EIPR1: variants seen among roughly 807,000 people sequenced by gnomAD.
EIPR1 encodes the protein EARP complex and GARP complex interacting protein 1.
EIPR1 carries 25 observed loss-of-function variants against 48.1 expected under a neutral mutation model. The ratio of observed to expected loss-of-function variants is 0.52; its 90% CI spans 0.38 to 0.73. EIPR1 has a LOEUF of 0.73. Ranked by LOEUF, EIPR1 falls within the 30% of genes least tolerant of loss-of-function variation. The probability of loss-of-function intolerance (pLI) is 0.00; values close to 1 mark genes in which losing one functional copy is unlikely to be tolerated. For missense variants in EIPR1, 415 were observed against 506.2 expected (o/e 0.82, Z 1.73); for synonymous variants, 204 against 201.9 (o/e 1.01, Z -0.09).
intron 6 of EIPR1, among the ~76,000 whole-genome samples, chr2:3,196,028 G>T (rs1664789431): frequency 6.6e-6 from 1 of 152,232 alleles, no homozygotes; most frequent in Admixed American, 6.5e-5. Flanking sequence ...ACAGGACATG[G>T]AGAAATGGAT....
intron 2 of EIPR1, among the ~76,000 whole-genome samples, chr2:3,346,362 C>A (rs1318308312): frequency 6.6e-6 from 1 of 152,162 alleles, no homozygotes; most frequent in Non-Finnish European, 1.5e-5. Flanking sequence ...AGACAGAAAG[C>A]CAATGTTTGT....
intron 1 of EIPR1, among the ~76,000 whole-genome samples, chr2:3,359,985 C>T (rs1342943872): frequency 6.6e-6 from 1 of 152,280 alleles, no homozygotes; most frequent in South Asian, 2.1e-4. Context: ...ACGTTCAGCC[C>T]GGCTATGGCT....
At chr2:3,214,121 C>G (rs773003271) in intron 5 of EIPR1, 28 bp downstream of exon 5, 3 of 1,597,896 alleles carry the variant, frequency 1.9e-6, no homozygotes, top group Non-Finnish European at 2.6e-6. Flanking sequence ...AATACAGAAA[C>G]AAACGCTGTG....
chr2:3,283,716 G>A (rs1668086256), intron 3 of EIPR1, among the ~76,000 whole-genome samples: 1 of 152,222 alleles, frequency 6.6e-6, no homozygotes, highest in Non-Finnish European at 1.5e-5. Context: ...GGCCAAGGCA[G>A]GTGGATCATT....
chr2:3,296,210 T>TGCAA (rs1668585697), intron 3 of EIPR1, among the ~76,000 whole-genome samples: 2 of 97,358 alleles, frequency 2.1e-5, no homozygotes, highest in African/African-American at 8.3e-5. Flanking sequence ...CCATCCTCTC[T>TGCAA]ACACAGACAC....
At chr2:3,215,121 A>G (rs1476414120) in intron 4 of EIPR1, among the ~76,000 whole-genome samples, 1 of 152,230 alleles carries the variant, frequency 6.6e-6, no homozygotes, top group Non-Finnish European at 1.5e-5. Flanking sequence ...TTTTTATGGC[A>G]GCCCAAGCTA....
At chr2:3,297,370 C>T (rs989232895) in intron 3 of EIPR1, among the ~76,000 whole-genome samples, 1 of 152,234 alleles carries the variant, frequency 6.6e-6, no homozygotes, top group Admixed American at 6.5e-5. Flanking sequence ...CATCTTACAC[C>T]GCTGGTGAGG....
chr2:3,337,151 A>G (rs973362866), intron 3 of EIPR1, among the ~76,000 whole-genome samples: 3 of 151,824 alleles, frequency 2.0e-5, no homozygotes, highest in Non-Finnish European at 2.9e-5. Flanking sequence ...AAGGGAAGGG[A>G]AAAGGGAAGG....
At chr2:3,299,868 C>T (rs1370785864) in intron 3 of EIPR1, among the ~76,000 whole-genome samples, 1 of 152,184 alleles carries the variant, frequency 6.6e-6, no homozygotes, top group Non-Finnish European at 1.5e-5. Context: ...CTCGGCACCA[C>T]CACTCACAGT....
chr2:3,250,755 G>A (rs371206122), intron 4 of EIPR1, among the ~76,000 whole-genome samples: 35 of 152,088 alleles, frequency 2.3e-4, no homozygotes, highest in East Asian at 5.8e-4. Context: ...GAGTCTTCTC[G>A]CTCAGTTAGT....
chr2:3,340,787 C>T (rs1318513239), intron 2 of EIPR1, among the ~76,000 whole-genome samples: 1 of 152,076 alleles, frequency 6.6e-6, no homozygotes, highest in South Asian at 2.1e-4. Context: ...GCAAACAGCT[C>T]AGATGTCCAT....
At chr2:3,226,565 T>A (rs185784946) in intron 4 of EIPR1, among the ~76,000 whole-genome samples, 22 of 152,370 alleles carry the variant, frequency 1.4e-4, no homozygotes, top group East Asian at 9.6e-4. Context: ...GTACGCTGCC[T>A]TTTCATTTTG....
chr2:3,192,356 G>A, intron 8 of EIPR1, 58 bp downstream of exon 8: 1 of 1,502,404 alleles, frequency 6.7e-7, no homozygotes, highest in South Asian at 1.4e-5. Flanking sequence ...TCGGGAGATG[G>A]CTGTGCAGAC....
rs1664708808 is a variant in EIPR1 at position 3,194,088 on chromosome 2, C to T, written c.732G>A (p.Leu244=). The change falls in exon 7 of 9, where the codon TTG becomes TTA. Residue 244 remains leucine (L), a synonymous_variant. Transcript: ENST00000382125. Reference sequence around the variant, plus strand: ...CCTTACAGTCGTCTCCGCAGCTGGCCAAGTAGTACTGCTTATTGGGATTAA... The same window carrying T: ...CCTTACAGTCGTCTCCGCAGCTGGCTAAGTAGTACTGCTTATTGGGATTAA... ...LDFNPNKQYY[L]ASCGDDCKVK... 1 of 1,613,960 alleles carries T rather than the reference C, an allele frequency of 6.2e-7. No individual in the cohort carries two copies. Among genetic ancestry groups the T allele is most frequent in the South Asian group, 1.1e-5 (1 of 91,078 alleles).
At chr2:3,261,372 C>G (rs1667330168) in intron 3 of EIPR1, among the ~76,000 whole-genome samples, 1 of 152,100 alleles carries the variant, frequency 6.6e-6, no homozygotes, top group Non-Finnish European at 1.5e-5. Context: ...GGAAGTCACC[C>G]CACTCACAGT....
chr2:3,278,884 C>T (rs1048999346), intron 3 of EIPR1, among the ~76,000 whole-genome samples: 2 of 152,204 alleles, frequency 1.3e-5, no homozygotes, highest in African/African-American at 2.4e-5. Context: ...TCCCGCCAGC[C>T]CATTAGCCTC....
At chr2:3,280,416 C>T (rs1667980223) in intron 3 of EIPR1, among the ~76,000 whole-genome samples, 1 of 152,236 alleles carries the variant, frequency 6.6e-6, no homozygotes, top group African/African-American at 2.4e-5. Context: ...ACACGAGCCA[C>T]ACCCTGGCAT....
At chr2:3,345,078 A>G (rs940326762) in intron 2 of EIPR1, among the ~76,000 whole-genome samples, 1 of 152,148 alleles carries the variant, frequency 6.6e-6, no homozygotes, top group African/African-American at 2.4e-5. Context: ...GTGCCCCAGA[A>G]GCACGTTGCT....
intron 4 of EIPR1, among the ~76,000 whole-genome samples, chr2:3,245,627 C>A (rs1250404807): frequency 6.6e-6 from 1 of 152,226 alleles, no homozygotes; most frequent in Non-Finnish European, 1.5e-5. Context: ...TGTTAGGCAT[C>A]ATTCTGAGCT....
Sources: allele counts gnomAD v4.1 joint callset (sites outside exome capture counted in the v4.1 genomes callset), GRCh38; gene constraint gnomAD v4.1.1; transcripts MANE v1.5; gene names NCBI Gene and HGNC (gene_info 2026-07-23, HGNC 2026-07-21).